The following CDH13 variants were observed in gnomAD, a reference collection of about 807,000 sequenced individuals.
CDH13 encodes cadherin 13.
Under a neutral mutation model 63.8 loss-of-function variants are expected in CDH13, and 24 were observed. The ratio of observed to expected loss-of-function variants is 0.38; its 90% confidence interval spans 0.27 to 0.53. The LOEUF (loss-of-function observed/expected upper bound fraction) is 0.53, where lower values mean the gene tolerates loss of function less well. Among genes scored for constraint, CDH13 ranks in the 20% least tolerant of loss-of-function variants. The pLI is 0.85. For synonymous variants in CDH13, 503 were observed against 355.3 expected (o/e 1.42, Z -4.67); for missense variants, 1,049 against 903.1 (o/e 1.16, Z -2.07).
chr16:83,332,513 C>G (rs1019910208), intron 5 of CDH13, among the ~76,000 whole-genome samples: 1 of 152,112 alleles, frequency 6.6e-6, no homozygotes, highest in Non-Finnish European at 1.5e-5. Flanking sequence ...CTGAATTTCA[C>G]ATTAGGAAAG....
chr16:83,350,324 G>A (rs2090927279), intron 6 of CDH13, among the ~76,000 whole-genome samples: 1 of 152,166 alleles, frequency 6.6e-6, no homozygotes, highest in Admixed American at 6.5e-5. Flanking sequence ...GGTGGTGAGA[G>A]GTCACAGAAG....
intron 13 of CDH13, among the ~76,000 whole-genome samples, chr16:83,786,441 G>A (rs1442920937): frequency 6.6e-6 from 1 of 152,196 alleles, no homozygotes; most frequent in African/African-American, 2.4e-5. Context: ...TTGAGCTTGA[G>A]GAATAGGGCG....
At chr16:83,541,327 G>A (rs1457189948) in intron 7 of CDH13, among the ~76,000 whole-genome samples, 1 of 152,162 alleles carries the variant, frequency 6.6e-6, no homozygotes, top group African/African-American at 2.4e-5. Context: ...ATGGAAATAT[G>A]ATCACTTCAT....
intron 7 of CDH13, among the ~76,000 whole-genome samples, chr16:83,541,966 G>T (rs1598259002): frequency 6.6e-6 from 1 of 152,206 alleles, no homozygotes; most frequent in South Asian, 2.1e-4. Flanking sequence ...GCATTTGGAA[G>T]CAAGTCAATA....
At chr16:82,793,275 T>G (rs923797363) in intron 1 of CDH13, among the ~76,000 whole-genome samples, 1 of 151,860 alleles carries the variant, frequency 6.6e-6, no homozygotes. Context: ...GCAGACATTG[T>G]GGATCTGAGC....
intron 2 of CDH13, among the ~76,000 whole-genome samples, chr16:83,008,422 G>T (rs2151432858): frequency 6.6e-6 from 1 of 152,352 alleles, no homozygotes; most frequent in South Asian, 2.1e-4. Flanking sequence ...AAGGCCCTGA[G>T]GCGGAGAATG....
At chr16:83,665,541 C>G (rs927861249) in intron 8 of CDH13, among the ~76,000 whole-genome samples, 1 of 152,174 alleles carries the variant, frequency 6.6e-6, no homozygotes, top group Non-Finnish European at 1.5e-5. Flanking sequence ...CTCCCCTACC[C>G]TTTTATCATC....
intron 10 of CDH13, among the ~76,000 whole-genome samples, chr16:83,681,485 G>A (rs1263414435): frequency 6.6e-6 from 1 of 152,140 alleles, no homozygotes; most frequent in Non-Finnish European, 1.5e-5. Context: ...CCTTCCTGCT[G>A]GGAGCCACAG....
chr16:83,431,510 G>A (rs988154072), intron 6 of CDH13, among the ~76,000 whole-genome samples: 1 of 152,030 alleles, frequency 6.6e-6, no homozygotes, highest in African/African-American at 2.4e-5. Context: ...CTAACTACCT[G>A]AGGATGGGTA....
At chr16:83,497,861 C>T (rs1382911042) in intron 7 of CDH13, among the ~76,000 whole-genome samples, 1 of 152,160 alleles carries the variant, frequency 6.6e-6, no homozygotes, top group Non-Finnish European at 1.5e-5. Flanking sequence ...AGTCCACTCT[C>T]AAAATATTAA....
intron 1 of CDH13, chr16:82,705,264 A>G (rs902898103): frequency 5.7e-5 from 24 of 423,910 alleles, no homozygotes; most frequent in African/African-American, 3.9e-4. Flanking sequence ...TCAAGAGACC[A>G]CGTTGGACAG....
chr16:83,762,419 G>C (rs1047921967), intron 11 of CDH13, among the ~76,000 whole-genome samples: 1 of 152,096 alleles, frequency 6.6e-6, no homozygotes, highest in African/African-American at 2.4e-5. Context: ...AAACCCAAGC[G>C]GTAGAGAGAA....
Position 83,670,773 on chromosome 16 carries a change from A to G in CDH13, c.1102-17A>G, listed in dbSNP as rs1567502871. ...TGTTTTCAAAATAGTGACCATTACC[A>G]TCTGCTTTGTTTGCAGTTTCAAGCC... is the stretch of plus-strand genomic sequence containing the variant. On this transcript the variant is annotated splice_polypyrimidine_tract_variant and intron_variant, in intron 8 of 13. Coordinates refer to ENST00000567109, the MANE Select transcript of CDH13 (RefSeq NM_001257.5). The G allele has an allele frequency of 6.2e-7, 1 of 1,613,382 alleles. No individual in the cohort carries two copies. The highest frequency in any genetic ancestry group is 1.7e-5 in the Admixed American group (1 of 60,012).
intron 1 of CDH13, among the ~76,000 whole-genome samples, chr16:82,803,172 G>C (rs961297684): frequency 6.6e-6 from 1 of 152,162 alleles, no homozygotes; most frequent in Non-Finnish European, 1.5e-5. Flanking sequence ...ATAGGTCTAG[G>C]CTACTCTCAG....
At chr16:83,241,647 T>C (rs1398547854) in intron 5 of CDH13, among the ~76,000 whole-genome samples, 1 of 152,214 alleles carries the variant, frequency 6.6e-6, no homozygotes. Context: ...GAATTATCTA[T>C]TCAGGCCCCT....
intron 1 of CDH13, among the ~76,000 whole-genome samples, chr16:82,808,231 A>G (rs2037254154): frequency 6.6e-6 from 1 of 152,174 alleles, no homozygotes; most frequent in South Asian, 2.1e-4. Flanking sequence ...GAACTGCTAA[A>G]TCATTGCACG....
chr16:82,747,227 G>A (rs1002413856), intron 1 of CDH13, among the ~76,000 whole-genome samples: 15 of 152,268 alleles, frequency 9.9e-5, no homozygotes, highest in African/African-American at 3.4e-4. Context: ...AGTAGAATCA[G>A]CATACCTGGG....
intron 4 of CDH13, among the ~76,000 whole-genome samples, chr16:83,179,771 C>G (rs534416981): frequency 2.6e-5 from 4 of 152,236 alleles, no homozygotes; most frequent in Non-Finnish European, 5.9e-5. Context: ...TTTTCCAGTG[C>G]TACATTGCCC....
At chr16:82,896,871 C>A (rs1287663686) in intron 2 of CDH13, among the ~76,000 whole-genome samples, 1 of 149,950 alleles carries the variant, frequency 6.7e-6, no homozygotes, top group Non-Finnish European at 1.5e-5. Context: ...AGCTCCGCCT[C>A]CCAGGTTCAC....
Sources: gnomAD v4.1 joint callset for allele counts (sites outside exome capture counted in the v4.1 genomes callset) on GRCh38, gnomAD v4.1.1 for gene constraint, MANE v1.5 for transcripts, NCBI Gene and HGNC (gene_info 2026-07-23, HGNC 2026-07-21) for gene names.